DLGAP2: variants seen among roughly 807,000 people sequenced by gnomAD.
The protein encoded by DLGAP2 is DLG associated protein 2.
DLGAP2 carries 26 observed loss-of-function variants against 100.3 expected under a neutral mutation model. The observed-to-expected ratio is 0.26, with a 90% CI of 0.19 to 0.36. The LOEUF is 0.36. DLGAP2 is among the 10% of genes least tolerant of loss of function. The pLI, the probability that DLGAP2 is intolerant of heterozygous loss-of-function variation, is 1.00. For missense variants in DLGAP2, 1,858 were observed against 1,453.2 expected, an observed-to-expected ratio of 1.28 and a Z score of -4.53; for synonymous variants, 886 against 630.1, an observed-to-expected ratio of 1.41 and a Z score of -6.08.
Position 1,626,834 on chromosome 8 carries a change from C to T in DLGAP2, c.1537C>T (p.Gln513Ter). The T allele has an allele frequency of 6.2e-7, 1 of 1,607,466 alleles. No individual in the cohort carries two copies. The highest frequency in any genetic ancestry group is 8.5e-7 in the Non-Finnish European group (1 of 1,177,212). ...CTCCCCGAAATTCCGCTCCCGGAAC[C>T]AGAGCTACATGAGGGCCGTCAGCAC... Reference protein sequence around the residue: ...YNSPKFRSRNQSYMRAVSTLS... With the variant: ...YNSPKFRSRN The change falls in exon 7 of 15, where the codon CAG (glutamine) becomes TAG (stop). Residue 513 changes from glutamine to a stop codon, truncating the protein, a stop_gained. Transcript: ENST00000637795. LOFTEE classifies it high-confidence loss of function.
intron 2 of DLGAP2, among the ~76,000 whole-genome samples, chr8:1,190,066 G>C (rs890646678): frequency 8.5e-5 from 13 of 152,180 alleles, no homozygotes; most frequent in African/African-American, 3.1e-4. Flanking sequence ...TACGGGCTCT[G>C]GTTTTCTGCT....
At chr8:1,366,006 G>T (rs1258390043) in intron 3 of DLGAP2, among the ~76,000 whole-genome samples, 1 of 152,230 alleles carries the variant, frequency 6.6e-6, no homozygotes, top group African/African-American at 2.4e-5. Context: ...TCACGGCACC[G>T]TCCAGCCTGG....
At chr8:955,125 A>C (rs990794633) in intron 2 of DLGAP2, among the ~76,000 whole-genome samples, 2 of 151,958 alleles carry the variant, frequency 1.3e-5, no homozygotes, top group African/African-American at 2.4e-5. Flanking sequence ...TTTGCCATTG[A>C]CACCAGGCGT....
intron 3 of DLGAP2, among the ~76,000 whole-genome samples, chr8:1,358,764 G>T (rs746670763): frequency 2.0e-5 from 3 of 152,128 alleles, no homozygotes; most frequent in Non-Finnish European, 4.4e-5. Flanking sequence ...ATTCTTCTGC[G>T]GTGGGCTAAG....
chr8:1,146,161 C>T (rs1195160347), intron 2 of DLGAP2, among the ~76,000 whole-genome samples: 1 of 152,188 alleles, frequency 6.6e-6, no homozygotes, highest in African/African-American at 2.4e-5. Context: ...GGGTGTCAGC[C>T]TCTCCACAGG....
chr8:1,436,431 C>T (rs539393903), intron 3 of DLGAP2, among the ~76,000 whole-genome samples: 3 of 152,250 alleles, frequency 2.0e-5, no homozygotes, highest in African/African-American at 4.8e-5. Flanking sequence ...TGCTGGCAGC[C>T]GAATAGATGG....
intron 2 of DLGAP2, among the ~76,000 whole-genome samples, chr8:1,080,114 C>T (rs1803753358): frequency 6.6e-6 from 1 of 152,208 alleles, no homozygotes; most frequent in Non-Finnish European, 1.5e-5. Flanking sequence ...AGCCATGTGG[C>T]CGTGCTGCAG....
At chr8:1,219,773 A>G (rs187721622) in intron 2 of DLGAP2, among the ~76,000 whole-genome samples, 4 of 152,076 alleles carry the variant, frequency 2.6e-5, no homozygotes, top group African/African-American at 4.8e-5. Context: ...AGCTTATTAC[A>G]GAATCAATTT....
Position 1,071,048 on chromosome 8 carries a change from A to G in DLGAP2, c.73+163082A>G, listed in dbSNP as rs75895527. Among the ~76,000 whole-genome samples, 1,332 of 152,270 alleles carry G rather than the reference A, an allele frequency of 8.7e-3. 8 individuals carry two copies. The highest frequency in any genetic ancestry group is 0.012 in the Non-Finnish European group (835 of 68,020). The stretch of plus-strand genomic sequence containing the variant: ...CAGCGCCGGCACCTCACTGAGCAGA[A>G]TGAGGGTCCTGTGTTTCGGGGGCGA... On this transcript the variant is annotated intron_variant, in intron 2 of 14. Coordinates refer to ENST00000637795, the MANE Select transcript of DLGAP2 (RefSeq NM_001346810.2).
intron 2 of DLGAP2, among the ~76,000 whole-genome samples, chr8:950,798 ATTTTT>A (rs553266592): frequency 6.7e-6 from 1 of 150,110 alleles, no homozygotes; most frequent in African/African-American, 2.5e-5. Flanking sequence ...ATTTTTTTGT[ATTTTT>A]TTAGTAGAGA....
chr8:1,252,741 C>CGTCTAG (rs1215736583), intron 2 of DLGAP2, among the ~76,000 whole-genome samples: 45 of 152,388 alleles, frequency 3.0e-4, no homozygotes, highest in Non-Finnish European at 4.7e-4. Context: ...GGCCTGCTGT[C>CGTCTAG]ATCTAGAGCT....
At chr8:1,538,427 G>T (rs1468074747) in intron 4 of DLGAP2, among the ~76,000 whole-genome samples, 2 of 152,176 alleles carry the variant, frequency 1.3e-5, no homozygotes. Flanking sequence ...AAGCAGAATT[G>T]AATGGAGAGG....
chr8:1,675,842 A>AGAG, intron 10 of DLGAP2, among the ~76,000 whole-genome samples: 1 of 146,912 alleles, frequency 6.8e-6, no homozygotes, highest in Non-Finnish European at 1.5e-5. Context: ...TTTTTTTTTT[A>AGAG]GAGAACGTAC....
Position 1,012,562 on chromosome 8 carries a change from G to A in DLGAP2, c.73+104596G>A, listed in dbSNP as rs111715914. ...CCACTTCAGCGGCAGTGTAGACACC[G>A]TCCAACCAGCCCCCCACTTCAGCGG... On this transcript the variant is annotated intron_variant, in intron 2 of 14. Coordinates refer to ENST00000637795, the MANE Select transcript of DLGAP2 (RefSeq NM_001346810.2). 6.3e-5 allele frequency among the ~76,000 whole-genome samples: 6 copies of A among 95,386 alleles called. 1 individual carries two copies. Among genetic ancestry groups the A allele is most frequent in the East Asian group, 3.0e-4 (1 of 3,336 alleles). The allele number at this position is 95,386 out of a possible 152,430, so 62.6% of individuals were successfully genotyped here.
rs559457907 is a variant in DLGAP2 at position 1,116,456 on chromosome 8, C to A, written c.74-142395C>A. Among the ~76,000 whole-genome samples, 21 of 152,270 alleles carry A rather than the reference C, an allele frequency of 1.4e-4. No homozygotes were observed. In the East Asian group the frequency reaches 3.1e-3, roughly 22 times the overall value. On this transcript the variant is annotated intron_variant, in intron 2 of 14. Coordinates refer to ENST00000637795, the MANE Select transcript of DLGAP2 (RefSeq NM_001346810.2). ...GAGGGTTTTCTTATTTCTTCAGTTT[C>A]TTTATCTGTAAAGTGGGGGTGACAA...
chr8:1,041,862 G>A (rs544884592), intron 2 of DLGAP2, among the ~76,000 whole-genome samples: 2 of 151,434 alleles, frequency 1.3e-5, no homozygotes, highest in East Asian at 2.0e-4. Flanking sequence ...GCCCTTTGCC[G>A]TGGGTCAGCT....
At chr8:1,073,962 C>T (rs1257384396) in intron 2 of DLGAP2, among the ~76,000 whole-genome samples, 1 of 152,098 alleles carries the variant, frequency 6.6e-6, no homozygotes, top group African/African-American at 2.4e-5. Context: ...AGGCTGAACT[C>T]ACCCAGGTAC....
Position 1,135,658 on chromosome 8 carries a change from A to C in DLGAP2, c.74-123193A>C, listed in dbSNP as rs544631409. ...CTCACTGCCTTGCGGCATGTCAGAA[A>C]GTGTGCTTTCCAGGAACTGCAGGTT... On this transcript the variant is annotated intron_variant, in intron 2 of 14. Transcript: ENST00000637795. Among the ~76,000 whole-genome samples, 12 of 152,262 alleles carry C rather than the reference A, an allele frequency of 7.9e-5. No homozygotes were observed. The South Asian group carries it at 2.1e-3, about 26-fold the overall frequency.
intron 3 of DLGAP2, among the ~76,000 whole-genome samples, chr8:1,330,794 C>T (rs1250656235): frequency 7.3e-6 from 1 of 136,882 alleles, no homozygotes; most frequent in Non-Finnish European, 1.5e-5. Flanking sequence ...GGGAGCACTG[C>T]TTCACGGGGA....
Sources: allele counts gnomAD v4.1 joint callset (sites outside exome capture counted in the v4.1 genomes callset), GRCh38; gene constraint gnomAD v4.1.1; transcripts MANE v1.5; gene names NCBI Gene and HGNC (gene_info 2026-07-23, HGNC 2026-07-21).